UNC5C: variants seen among roughly 807,000 people sequenced by gnomAD.
UNC5C encodes netrin receptor UNC5C.
Under a neutral mutation model 99.8 loss-of-function variants are expected in UNC5C, and 47 were observed. The observed-to-expected ratio is 0.47, with a 90% CI of 0.37 to 0.60. The LOEUF (loss-of-function observed/expected upper bound fraction) is 0.60. Ranked by LOEUF, UNC5C falls within the 20% of genes least tolerant of loss-of-function variation. The probability of loss-of-function intolerance (pLI) is 0.00; values close to 1 mark genes in which losing one functional copy is unlikely to be tolerated. For synonymous variants in UNC5C, 487 were observed against 452.2 expected, an observed-to-expected ratio of 1.08 and a Z score of -0.98; for missense variants, 1,062 against 1,165.9, an observed-to-expected ratio of 0.91 and a Z score of 1.30.
chr4:95,501,683 G>A (rs542697132), intron 1 of UNC5C, among the ~76,000 whole-genome samples: 3 of 152,214 alleles, frequency 2.0e-5, no homozygotes, highest in East Asian at 3.9e-4. Flanking sequence ...GCTTGTGAAA[G>A]TATTATAAAG....
intron 1 of UNC5C, among the ~76,000 whole-genome samples, chr4:95,540,758 C>T (rs893426832): frequency 2.6e-5 from 4 of 152,174 alleles, no homozygotes; most frequent in African/African-American, 9.7e-5. Context: ...TTCACATAGA[C>T]ATACAGTTCA....
At chr4:95,522,954 C>T (rs1397226134) in intron 1 of UNC5C, among the ~76,000 whole-genome samples, 1 of 124,418 alleles carries the variant, frequency 8.0e-6, no homozygotes, top group Admixed American at 9.2e-5. Flanking sequence ...GGCACATTTT[C>T]TAGAAAATTA....
intron 7 of UNC5C, among the ~76,000 whole-genome samples, chr4:95,230,835 G>A (rs1738885994): frequency 6.6e-6 from 1 of 151,866 alleles, no homozygotes; most frequent in African/African-American, 2.4e-5. Context: ...GATGTTGGGA[G>A]GGCTGTTTCA....
intron 12 of UNC5C, among the ~76,000 whole-genome samples, chr4:95,199,903 G>T (rs1737586805): frequency 6.6e-6 from 1 of 152,276 alleles, no homozygotes; most frequent in Non-Finnish European, 1.5e-5. Context: ...CATTTGCAAG[G>T]AATATAAAAG....
intron 1 of UNC5C, among the ~76,000 whole-genome samples, chr4:95,531,252 A>C (rs568005100): frequency 6.6e-6 from 1 of 152,312 alleles, no homozygotes; most frequent in African/African-American, 2.4e-5. Flanking sequence ...TTCCTAAAGT[A>C]ATGTTTAAAC....
At position 95,168,849 on chromosome 4, in the gene UNC5C, T is replaced by C. The variant is rs1343191408; in HGVS notation, c.*385A>G. The C allele has an allele frequency of 5.9e-6, 1 of 170,210 alleles. No homozygotes were observed. Among genetic ancestry groups the C allele is most frequent in the Admixed American group, 5.7e-5 (1 of 17,432 alleles). 10.5% of individuals were successfully genotyped at this position (170,210 alleles called of 1,614,324 possible). Reference sequence around the variant, plus strand: ...GAGCCATGGACAGTGTCTGCATCCCTGTCCAATTTGATGTAAACAACATTT... The same window carrying C: ...GAGCCATGGACAGTGTCTGCATCCCCGTCCAATTTGATGTAAACAACATTT... On this transcript the variant is annotated 3_prime_UTR_variant, in exon 16 of 16. Coordinates refer to ENST00000453304, the MANE Select transcript of UNC5C (RefSeq NM_003728.4).
At chr4:95,371,812 C>T (rs961147302) in intron 1 of UNC5C, among the ~76,000 whole-genome samples, 22 of 152,116 alleles carry the variant, frequency 1.4e-4, no homozygotes, top group Non-Finnish European at 2.5e-4. Flanking sequence ...CTCAAATTTT[C>T]ACCCAATAAA....
chr4:95,289,016 T>G (rs1209566817), intron 3 of UNC5C, among the ~76,000 whole-genome samples: 1 of 152,204 alleles, frequency 6.6e-6, no homozygotes, highest in Non-Finnish European at 1.5e-5. Flanking sequence ...CTGCCATAGT[T>G]TAATCCTAGT....
intron 3 of UNC5C, among the ~76,000 whole-genome samples, chr4:95,285,423 A>G (rs1267816222): frequency 6.6e-6 from 1 of 152,198 alleles, no homozygotes; most frequent in Non-Finnish European, 1.5e-5. Flanking sequence ...ATATTAAAAT[A>G]GATATTGAAT....
chr4:95,514,105 C>T (rs1722149972), intron 1 of UNC5C, among the ~76,000 whole-genome samples: 1 of 152,126 alleles, frequency 6.6e-6, no homozygotes, highest in African/African-American at 2.4e-5. Context: ...TCCACAGTAA[C>T]ATTTTCCTCA....
intron 1 of UNC5C, among the ~76,000 whole-genome samples, chr4:95,455,613 G>A (rs1747405545): frequency 1.3e-5 from 2 of 151,986 alleles, no homozygotes; most frequent in East Asian, 1.9e-4. Context: ...GGGAGACAGG[G>A]CAAGACTCTG....
At chr4:95,250,030 T>C (rs1436206135) in intron 5 of UNC5C, among the ~76,000 whole-genome samples, 1 of 152,122 alleles carries the variant, frequency 6.6e-6, no homozygotes, top group African/African-American at 2.4e-5. Context: ...TAGATCTTGG[T>C]GGTGCAGGTT....
At chr4:95,221,956 T>A (rs1738483208) in intron 7 of UNC5C, among the ~76,000 whole-genome samples, 1 of 152,220 alleles carries the variant, frequency 6.6e-6, no homozygotes, top group African/African-American at 2.4e-5. Flanking sequence ...TATCAGCACA[T>A]TTCATGATAT....
intron 1 of UNC5C, among the ~76,000 whole-genome samples, chr4:95,487,674 C>T (rs999516915): frequency 2.6e-5 from 4 of 151,642 alleles, no homozygotes; most frequent in African/African-American, 9.7e-5. Context: ...GAACTCTCTC[C>T]TACCACATCC....
chr4:95,252,199 A>T (rs1310863036), intron 4 of UNC5C, among the ~76,000 whole-genome samples: 1 of 152,206 alleles, frequency 6.6e-6, no homozygotes, highest in Non-Finnish European at 1.5e-5. Flanking sequence ...GCACGGGAGA[A>T]GGTGGCACAA....
intron 1 of UNC5C, among the ~76,000 whole-genome samples, chr4:95,539,925 C>CT (rs61346866): frequency 0.037 from 5,391 of 145,750 alleles, 275 homozygotes; most frequent in African/African-American, 0.11. Flanking sequence ...CATCCTTCTA[C>CT]TTTTTTTTTT....
chr4:95,447,654 C>T (rs1747144947), intron 1 of UNC5C, among the ~76,000 whole-genome samples: 1 of 152,144 alleles, frequency 6.6e-6, no homozygotes, highest in South Asian at 2.1e-4. Context: ...GTGCCTGTCA[C>T]CACGCCCAGC....
At chr4:95,503,683 C>G (rs1031424497) in intron 1 of UNC5C, among the ~76,000 whole-genome samples, 1 of 152,124 alleles carries the variant, frequency 6.6e-6, no homozygotes, top group Non-Finnish European at 1.5e-5. Flanking sequence ...GAATAATCAA[C>G]ATGCTTTATG....
chr4:95,261,966 G>A (rs755808783), intron 4 of UNC5C, among the ~76,000 whole-genome samples: 2 of 152,108 alleles, frequency 1.3e-5, no homozygotes. Context: ...GCCTCCCAAA[G>A]TGCTGGATTA....
Sources: allele counts gnomAD v4.1 joint callset (sites outside exome capture counted in the v4.1 genomes callset), GRCh38; gene constraint gnomAD v4.1.1; transcripts MANE v1.5; gene names NCBI Gene and HGNC (gene_info 2026-07-23, HGNC 2026-07-21).